Variants in PLD5 observed in about 807,000 individuals in gnomAD.
PLD5 encodes inactive phospholipase D5.
A neutral mutation model predicts 61.1 loss-of-function variants in PLD5; 36 were observed. The ratio of observed to expected loss-of-function variants is 0.59; its 90% CI spans 0.45 to 0.78. The LOEUF (loss-of-function observed/expected upper bound fraction) is 0.78, where lower values mean the gene tolerates loss of function less well. PLD5 is among the 30% of genes least tolerant of loss of function. PLD5 has a pLI of 0.00. For missense variants in PLD5, 515 were observed against 644.4 expected, an observed-to-expected ratio of 0.80 and a Z score of 2.17; for synonymous variants, 243 against 242.8, an observed-to-expected ratio of 1.00 and a Z score of -0.01.
At chr1:242,521,877 A>G (rs533713217) in intron 1 of PLD5, among the ~76,000 whole-genome samples, 53 of 152,344 alleles carry the variant, frequency 3.5e-4, no homozygotes, top group African/African-American at 1.3e-3. Flanking sequence ...CATCTCAAAC[A>G]TTAATTTCTA....
rs573204838 is a variant in PLD5 at position 242,384,928 on chromosome 1, T to C, written c.190-36686A>G. 1.4e-4 allele frequency among the ~76,000 whole-genome samples: 21 copies of C among 152,284 alleles called. No homozygotes were observed. The South Asian group carries it at 2.5e-3, about 18-fold the overall frequency. On this transcript the variant is annotated intron_variant, in intron 1 of 9. Coordinates refer to ENST00000536534, the MANE Select transcript of PLD5 (RefSeq NM_001372062.1). Reference sequence around the variant, plus strand: ...TAGTAGTAATATCTTGGGAAATAAATATTCATCAGTAGGACACATGGCGAA... The same window carrying C: ...TAGTAGTAATATCTTGGGAAATAAACATTCATCAGTAGGACACATGGCGAA...
intron 1 of PLD5, among the ~76,000 whole-genome samples, chr1:242,395,112 AAT>A (rs1264022468): frequency 5.5e-5 from 8 of 146,064 alleles, no homozygotes; most frequent in African/African-American, 7.5e-5. Context: ...TATGTATATG[AAT>A]ATATATGTAT....
At chr1:242,267,856 G>C (rs1373257917) in intron 3 of PLD5, among the ~76,000 whole-genome samples, 1 of 149,884 alleles carries the variant, frequency 6.7e-6, no homozygotes, top group African/African-American at 2.5e-5. Flanking sequence ...ACACCAGCCT[G>C]GGCAACACAG....
At chr1:242,255,809 A>G (rs1293252402) in intron 4 of PLD5, among the ~76,000 whole-genome samples, 1 of 152,176 alleles carries the variant, frequency 6.6e-6, no homozygotes, top group Non-Finnish European at 1.5e-5. Context: ...TTTTTAAAAT[A>G]ATGTAGCTAA....
At chr1:242,339,667 A>G (rs970311084) in intron 2 of PLD5, among the ~76,000 whole-genome samples, 8 of 152,122 alleles carry the variant, frequency 5.3e-5, no homozygotes, top group African/African-American at 1.9e-4. Context: ...ATTTATTTCC[A>G]CTGGATTCAG....
intron 2 of PLD5, among the ~76,000 whole-genome samples, chr1:242,304,253 G>A (rs1319338556): frequency 6.6e-6 from 1 of 152,226 alleles, no homozygotes. Context: ...TGCAAGGACT[G>A]TAAATCATAA....
rs60295070 is a variant in PLD5 at position 242,229,907 on chromosome 1, T to TAA, written c.608-9794_608-9793dup. ...GGTAAGACCTCTAAAAAAATATTGA[T>TAA]AAAAAAAAAAAAAAGCTGTGTTTCT... On this transcript the variant is annotated intron_variant, in intron 4 of 9. Transcript: ENST00000536534. Among the ~76,000 whole-genome samples, 850 of 140,538 alleles carry TAA rather than the reference T, an allele frequency of 6.0e-3. 6 individuals carry two copies. The highest frequency in any genetic ancestry group is 0.01 in the Non-Finnish European group (657 of 63,652). 92.2% of individuals were successfully genotyped at this position (140,538 alleles called of 152,430 possible).
chr1:242,241,885 A>ATATATATATATATATATATATACTTACTG (rs1672040602), intron 4 of PLD5, among the ~76,000 whole-genome samples: 1 of 33,154 alleles, frequency 3.0e-5, no homozygotes, highest in African/African-American at 1.1e-4. Context: ...ATATATATAT[A>ATATATATATATATATATATATACTTACTG]TATATATATA....
At chr1:242,331,169 T>A (rs1659146774) in intron 2 of PLD5, among the ~76,000 whole-genome samples, 1 of 152,134 alleles carries the variant, frequency 6.6e-6, no homozygotes, top group Non-Finnish European at 1.5e-5. Context: ...AATGCAAATA[T>A]GAATGAGCCA....
chr1:242,245,828 C>T (rs968410866), intron 4 of PLD5, among the ~76,000 whole-genome samples: 8 of 152,218 alleles, frequency 5.3e-5, no homozygotes, highest in African/African-American at 1.4e-4. Flanking sequence ...ACTGTGGCTT[C>T]TCACCAGGTA....
At chr1:242,480,139 T>G (rs934470397) in intron 1 of PLD5, among the ~76,000 whole-genome samples, 1 of 151,982 alleles carries the variant, frequency 6.6e-6, no homozygotes, top group Non-Finnish European at 1.5e-5. Context: ...ATTAAGATAA[T>G]GTGGTACTGG....
chr1:242,528,016 C>T (rs1053465647), upstream of PLD5, among the ~76,000 whole-genome samples: 2 of 152,190 alleles, frequency 1.3e-5, no homozygotes, highest in African/African-American at 2.4e-5. Flanking sequence ...TAGTGCCTTA[C>T]ATATAATAAG....
chr1:242,239,575 G>A (rs1457698610), intron 4 of PLD5, among the ~76,000 whole-genome samples: 1 of 152,142 alleles, frequency 6.6e-6, no homozygotes, highest in African/African-American at 2.4e-5. Context: ...CCAAATACAA[G>A]TGTGTAAAGA....
intron 1 of PLD5, among the ~76,000 whole-genome samples, chr1:242,523,116 T>C (rs1405296751): frequency 6.6e-6 from 1 of 152,142 alleles, no homozygotes; most frequent in Non-Finnish European, 1.5e-5. Flanking sequence ...GGTCTTATCT[T>C]TTTTATCATT....
At chr1:242,415,691 T>G (rs1490564933) in intron 1 of PLD5, among the ~76,000 whole-genome samples, 1 of 151,984 alleles carries the variant, frequency 6.6e-6, no homozygotes, top group Non-Finnish European at 1.5e-5. Flanking sequence ...TTTTTTGTAT[T>G]TTTAGTAGAG....
chr1:242,119,109 C>T (rs1662172007), intron 6 of PLD5, among the ~76,000 whole-genome samples: 1 of 152,124 alleles, frequency 6.6e-6, no homozygotes, highest in Non-Finnish European at 1.5e-5. Flanking sequence ...GTCAAGAGCT[C>T]TTGAGGGACC....
Position 242,130,074 on chromosome 1 carries a change from TG to T in PLD5, c.736-5410del, listed in dbSNP as rs1663112820. On this transcript the variant is annotated intron_variant, in intron 5 of 9. Transcript: ENST00000536534. ...AACATCTTTTTTTTTTTTTTTGAGA[TG>T]GAGTCTCACTCTGTCGCCCAGGCTG... Among the ~76,000 whole-genome samples, 4 of 151,312 alleles carry T rather than the reference TG, an allele frequency of 2.6e-5. No homozygotes were observed. In the South Asian group the frequency reaches 8.4e-4, roughly 32 times the overall value.
chr1:242,510,264 A>T (rs573119904), intron 1 of PLD5, among the ~76,000 whole-genome samples: 1 of 152,326 alleles, frequency 6.6e-6, no homozygotes, highest in South Asian at 2.1e-4. Context: ...CAAATGGGGA[A>T]CCACGGAATA....
intron 4 of PLD5, among the ~76,000 whole-genome samples, chr1:242,240,125 A>G (rs56112546): frequency 0.012 from 1,806 of 152,336 alleles, 36 homozygotes; most frequent in African/African-American, 0.042. Context: ...TACACTGCAC[A>G]TGGCAAGTGG....
Sources: allele counts gnomAD v4.1 joint callset (sites outside exome capture counted in the v4.1 genomes callset), GRCh38; gene constraint gnomAD v4.1.1; transcripts MANE v1.5; gene names NCBI Gene and HGNC (gene_info 2026-07-23, HGNC 2026-07-21).